ARHGAP39: variants seen among roughly 807,000 people sequenced by gnomAD.
The protein encoded by ARHGAP39 is Rho GTPase activating protein 39.
In ARHGAP39, 44 loss-of-function variants were observed where a neutral mutation model predicts 106.9. The observed-to-expected ratio is 0.41, with a 90% CI of 0.32 to 0.53. ARHGAP39 has a LOEUF of 0.53. Ranked by LOEUF, ARHGAP39 falls within the 20% of genes least tolerant of loss-of-function variation. The pLI is 0.21. For missense variants in ARHGAP39, 1,496 were observed against 1,577.3 expected, an observed-to-expected ratio of 0.95 and a Z score of 0.87; for synonymous variants, 768 against 693.2, an observed-to-expected ratio of 1.11 and a Z score of -1.69.
At chr8:144,570,698 T>A (rs938348316) in intron 3 of ARHGAP39, among the ~76,000 whole-genome samples, 1 of 151,888 alleles carries the variant, frequency 6.6e-6, no homozygotes, top group Non-Finnish European at 1.5e-5. Flanking sequence ...TAGAAAAAAA[T>A]AGGTTGAAAA....
At chr8:144,676,561 T>C (rs1378519353) in intron 1 of ARHGAP39, among the ~76,000 whole-genome samples, 1 of 152,212 alleles carries the variant, frequency 6.6e-6, no homozygotes, top group African/African-American at 2.4e-5. Flanking sequence ...GATTGGTGTG[T>C]TTACAAACCT....
At chr8:144,550,618 T>G (rs1177085198) in intron 4 of ARHGAP39, among the ~76,000 whole-genome samples, 2 of 152,220 alleles carry the variant, frequency 1.3e-5, no homozygotes, top group African/African-American at 2.4e-5. Flanking sequence ...AACACTGGGC[T>G]GTGGGCCCTC....
chr8:144,668,576 A>T (rs944713635), intron 1 of ARHGAP39, among the ~76,000 whole-genome samples: 1 of 152,252 alleles, frequency 6.6e-6, no homozygotes, highest in Non-Finnish European at 1.5e-5. Context: ...CATCAGAAGG[A>T]GTAAAATATT....
chr8:144,555,708 C>T lies in ARHGAP39; in HGVS notation c.513-65G>A, dbSNP rs1467191267. 7.8e-6 allele frequency: 11 copies of T among 1,413,278 alleles called. No individual in the cohort carries two copies. The East Asian group carries it at 2.0e-4, about 26-fold the overall frequency. 87.5% of individuals were successfully genotyped at this position (1,413,278 alleles called of 1,614,324 possible). On this transcript the variant is annotated intron_variant, in intron 3 of 11. Coordinates refer to ENST00000377307, the MANE Select transcript of ARHGAP39 (RefSeq NM_025251.3). The stretch of plus-strand genomic sequence containing the variant: ...CAATCGTTTACCATAACCAGCCACT[C>T]CCTGACTTAAGAATGTGGCACTGCC...
upstream of ARHGAP39, among the ~76,000 whole-genome samples, chr8:144,689,426 CTTTTTTTTTT>C (rs71320837): frequency 4.4e-5 from 3 of 67,554 alleles, no homozygotes; most frequent in African/African-American, 1.2e-4. Context: ...TCTTAACCAT[CTTTTTTTTTT>C]TTTTTTTTTT....
At chr8:144,675,243 T>C (rs113912669) in intron 1 of ARHGAP39, among the ~76,000 whole-genome samples, 3 of 151,642 alleles carry the variant, frequency 2.0e-5, no homozygotes, top group African/African-American at 7.2e-5. Context: ...CACTTAGCAT[T>C]TTTTTTTTGA....
intron 1 of ARHGAP39, among the ~76,000 whole-genome samples, chr8:144,618,841 C>T (rs1420730732): frequency 6.6e-6 from 1 of 152,264 alleles, no homozygotes; most frequent in Non-Finnish European, 1.5e-5. Context: ...TGTGGCGTGG[C>T]GTGAGCAGGA....
rs2130988599 is a variant in ARHGAP39, at chr8:144,641,761, A to G, written c.-81-36066T>C. 6.6e-6 allele frequency among the ~76,000 whole-genome samples: 1 copy of G among 152,358 alleles called. No individual in the cohort carries two copies. The highest frequency in any genetic ancestry group is 3.4e-3 in the Middle Eastern group (1 of 294). On this transcript the variant is annotated intron_variant, in intron 1 of 11. Coordinates refer to ENST00000377307, the MANE Select transcript of ARHGAP39 (RefSeq NM_025251.3). This position sits in a 1 kb window ranked among gnomAD's most constrained non-coding sequence, Gnocchi z 5.2. Reference sequence around the variant, plus strand: ...CTGCCACAGTCTGAGCTGGCCCCACAGGTACCCAAGAGTGTCCTCTGAAGC... The same window carrying G: ...CTGCCACAGTCTGAGCTGGCCCCACGGGTACCCAAGAGTGTCCTCTGAAGC...
chr8:144,599,551 C>T (rs939573208), intron 2 of ARHGAP39, among the ~76,000 whole-genome samples: 1 of 152,062 alleles, frequency 6.6e-6, no homozygotes, highest in African/African-American at 2.4e-5. Flanking sequence ...AGAAAGGGCA[C>T]GGGGAAGAGG....
At chr8:144,541,989 TA>T (rs1387764900) in intron 6 of ARHGAP39, among the ~76,000 whole-genome samples, 1 of 152,010 alleles carries the variant, frequency 6.6e-6, no homozygotes, top group Non-Finnish European at 1.5e-5. Flanking sequence ...TTTTTGCCTT[TA>T]AAAAATGGCT....
At position 144,548,639 on chromosome 8, in the gene ARHGAP39, C is replaced by T; in HGVS notation, c.597-150G>A. On this transcript the variant is annotated intron_variant, in intron 4 of 11. Transcript: ENST00000377307. The surrounding 1 kb of genome is among the most constrained non-coding windows in gnomAD (Gnocchi z 7.4). ...CCCTGTGGCCTGGCGCCCCTCACAC[C>T]TGCCTTGCCCCAGCACCCCCAGCCC... 8.7e-7 allele frequency: 1 copy of T among 1,145,660 alleles called. No homozygotes were observed. Among genetic ancestry groups the T allele is most frequent in the Non-Finnish European group, 1.2e-6 (1 of 837,932 alleles). The allele number at this position is 1,145,660 out of a possible 1,614,324, so 71.0% of individuals were successfully genotyped here.
chr8:144,693,600 C>T, the ARHGAP39 span, among the ~76,000 whole-genome samples: 3 of 151,780 alleles, frequency 2.0e-5, no homozygotes, highest in Admixed American at 1.3e-4. Flanking sequence ...GTCTGGATCT[C>T]CTGACCTCGT....
In ARHGAP39 at chr8:144,604,552, A is replaced by AT. The variant is rs935985599; in HGVS notation, c.80+982dup. Among the ~76,000 whole-genome samples the AT allele has an allele frequency of 2.0e-5, 3 of 152,000 alleles. No homozygotes were observed. Among genetic ancestry groups the AT allele is most frequent in the Non-Finnish European group, 4.4e-5 (3 of 67,992 alleles). On this transcript the variant is annotated intron_variant, in intron 2 of 11. Coordinates refer to ENST00000377307, the MANE Select transcript of ARHGAP39 (RefSeq NM_025251.3). This position sits in a 1 kb window ranked among gnomAD's most constrained non-coding sequence, Gnocchi z 4.1. ...GCCACCACATCTGGCTAATTTTTGT[A>AT]TTTTTTGTAGAGATGGGGTCTCGCT...
chr8:144,598,519 G>T (rs908173627), intron 2 of ARHGAP39, among the ~76,000 whole-genome samples: 1 of 152,252 alleles, frequency 6.6e-6, no homozygotes, highest in Admixed American at 6.5e-5. Flanking sequence ...AGAGCCCGGG[G>T]CATGAGAGAA....
chr8:144,583,880 G>A lies in ARHGAP39; in HGVS notation c.81-2603C>T, dbSNP rs75593918. 5.9e-5 allele frequency among the ~76,000 whole-genome samples: 9 copies of A among 152,322 alleles called. No individual in the cohort carries two copies. The East Asian group carries it at 1.7e-3, about 29-fold the overall frequency. ...TGCAATGAATCTTTCCAAGTGTCCA[G>A]TTTTAAAGTGTTAAGGATTTAGTGG... is the stretch of plus-strand genomic sequence containing the variant. On this transcript the variant is annotated intron_variant, in intron 2 of 11. Transcript: ENST00000377307.
At chr8:144,594,427 G>A (rs925002606) in intron 2 of ARHGAP39, among the ~76,000 whole-genome samples, 1 of 152,198 alleles carries the variant, frequency 6.6e-6, no homozygotes, top group African/African-American at 2.4e-5. Flanking sequence ...AGGCGCAGTG[G>A]CTCATGCCTG....
At chr8:144,623,592 G>A (rs979901590) in intron 1 of ARHGAP39, among the ~76,000 whole-genome samples, 4 of 152,240 alleles carry the variant, frequency 2.6e-5, no homozygotes, top group South Asian at 2.1e-4. Context: ...GCAGGCAGAC[G>A]TGTTCCAGGA....
intron 1 of ARHGAP39, among the ~76,000 whole-genome samples, chr8:144,627,180 G>C (rs1820940263): frequency 6.6e-6 from 1 of 152,210 alleles, no homozygotes; most frequent in Admixed American, 6.5e-5. Context: ...CAGCTGCCAG[G>C]GACAGGCGGG....
chr8:144,580,911 C>A lies in ARHGAP39; in HGVS notation c.447G>T (p.Ala149=). ...SLEPEPDTEK[A]QELPARAGRP... ...GCCCGGCCCTCGCTGGCAACTCCTG[C>A]GCTTTCTCAGTGTCGGGCTCGGGCT... Residue 149 remains alanine, a synonymous_variant, in exon 3 of 12, where the codon GCG becomes GCT. Transcript: ENST00000377307. 3 of 1,604,424 alleles carry A rather than the reference C, an allele frequency of 1.9e-6. No homozygotes were observed. Among genetic ancestry groups the A allele is most frequent in the Non-Finnish European group, 2.5e-6 (3 of 1,178,156 alleles).
Sources: gnomAD v4.1 joint callset for allele counts (sites outside exome capture counted in the v4.1 genomes callset) on GRCh38, gnomAD v4.1.1 for gene constraint, Gnocchi (gnomAD v3.1) non-coding constraint, MANE v1.5 for transcripts, NCBI Gene and HGNC (gene_info 2026-07-23, HGNC 2026-07-21) for gene names.